The following GSDMA variants were observed in gnomAD, a reference collection of about 807,000 sequenced individuals.
GSDMA encodes gasdermin-A.
In GSDMA, 55 loss-of-function variants were observed where a neutral mutation model predicts 54.3. The ratio of observed to expected loss-of-function variants is 1.01; its 90% confidence interval spans 0.82 to 1.27. The LOEUF is 1.27. GSDMA is among the 50% of genes most tolerant of loss of function. The pLI, the probability that GSDMA is intolerant of heterozygous loss-of-function variation, is 0.00. For missense variants in GSDMA, 542 were observed against 542.6 expected (o/e 1.00, Z 0.01); for synonymous variants, 211 against 224.7 (o/e 0.94, Z 0.54).
intron 3 of GSDMA, among the ~76,000 whole-genome samples, chr17:39,969,081 G>A (rs1979809490): frequency 6.6e-6 from 1 of 152,106 alleles, no homozygotes. Flanking sequence ...AGGAGCCAGG[G>A]GAGGAGTCTC....
chr17:39,965,846 C>T lies in GSDMA; in HGVS notation c.159C>T (p.Tyr53=), dbSNP rs149553751. The change falls in exon 2 of 12, where the codon TAC becomes TAT. Residue 53 remains tyrosine, a synonymous_variant. Transcript: ENST00000301659. ...GCACGCTCTTCTGGGGGGCCCGGTA[C>T]GTCCGCACCGACTACACGCTGCTGG... ...RKSTLFWGAR[Y]VRTDYTLLDV... The T allele has an allele frequency of 0.017, 26,561 of 1,570,276 alleles. 411 individuals carry two copies. Among genetic ancestry groups the T allele is most frequent in the South Asian group, 0.065 (5,570 of 85,426 alleles).
intron 1 of GSDMA, among the ~76,000 whole-genome samples, chr17:39,964,658 A>T (rs1979555010): frequency 6.6e-6 from 1 of 152,022 alleles, no homozygotes; most frequent in Non-Finnish European, 1.5e-5. Context: ...CGCATGAGGG[A>T]AGGACAGGGT....
chr17:39,970,388 TGTCTA>T, intron 3 of GSDMA, 89 bp from the exon 4 acceptor site: 1 of 1,202,732 alleles, frequency 8.3e-7, no homozygotes, highest in Non-Finnish European at 1.1e-6. Context: ...GCCACCACAA[TGTCTA>T]GTTCCTGGGA....
At position 39,975,920 on chromosome 17, in the gene GSDMA, C is replaced by G; in HGVS notation, c.1022-4C>G. 1 of 1,591,486 alleles carries G rather than the reference C, an allele frequency of 6.3e-7. No homozygotes were observed. The highest frequency in any genetic ancestry group is 8.6e-7 in the Non-Finnish European group (1 of 1,168,474). ...ACACATCTTTCTCTGCTTTTTTTCT[C>G]CAGAGCTAAGTGAAGCCCAACAGAA... is the stretch of plus-strand genomic sequence containing the variant. On this transcript the variant is annotated splice_polypyrimidine_tract_variant and splice_region_variant and intron_variant, in intron 10 of 11. Transcript: ENST00000301659.
At chr17:39,968,572 T>C (rs957117363) in intron 3 of GSDMA, among the ~76,000 whole-genome samples, 1 of 151,776 alleles carries the variant, frequency 6.6e-6, no homozygotes, top group South Asian at 2.1e-4. Flanking sequence ...GGTCTCGAAC[T>C]CCTGACCTCA....
intron 9 of GSDMA, 84 bp from the exon 10 acceptor site, chr17:39,974,816 C>T (rs760271572): frequency 6.7e-6 from 5 of 741,550 alleles, no homozygotes; most frequent in Non-Finnish European, 1.2e-5. Context: ...AGAGTTTCCG[C>T]ATGTCAAGGG....
At chr17:39,973,361 C>T (rs538494931) in intron 7 of GSDMA, among the ~76,000 whole-genome samples, 1 of 151,670 alleles carries the variant, frequency 6.6e-6, no homozygotes, top group Non-Finnish European at 1.5e-5. Context: ...ACTCTGCCTC[C>T]CAGGTTCAAG....
chr17:39,976,906 G>A lies in GSDMA; in HGVS notation c.1186G>A (p.Glu396Lys). ...PELLSSLGDE[E>K]LTLTEALVGL... ...GCTGCTCTCCTCCCTTGGGGACGAG[G>A]AGCTGACCCTCACGGAGGCTCTAGT... is the stretch of plus-strand genomic sequence containing the variant. Residue 396 changes from glutamate to lysine, a missense_variant, in exon 12 of 12, where the codon GAG (glutamate) becomes AAG (lysine). Coordinates refer to ENST00000301659, the MANE Select transcript of GSDMA (RefSeq NM_178171.5). 1 of 1,613,988 alleles carries A rather than the reference G, an allele frequency of 6.2e-7. No individual in the cohort carries two copies. The highest frequency in any genetic ancestry group is 8.5e-7 in the Non-Finnish European group (1 of 1,179,894).
chr17:39,966,093 T>C (rs1568127610), intron 2 of GSDMA, among the ~76,000 whole-genome samples, 167 bp from the exon 3 acceptor site: 1 of 152,166 alleles, frequency 6.6e-6, no homozygotes, highest in Non-Finnish European at 1.5e-5. Context: ...TTTATTTATT[T>C]ACTTGTTTGT....
intron 8 of GSDMA, 84 bp downstream of exon 8, chr17:39,973,914 T>G: frequency 7.9e-7 from 1 of 1,264,012 alleles, no homozygotes; most frequent in Non-Finnish European, 1.1e-6. Flanking sequence ...AAGTCATTCT[T>G]TGTCAGCTAA....
chr17:39,970,124 G>T (rs1281840818), intron 3 of GSDMA, among the ~76,000 whole-genome samples: 1 of 152,006 alleles, frequency 6.6e-6, no homozygotes, highest in Non-Finnish European at 1.5e-5. Context: ...CCAGAGAGAT[G>T]AATGGGGAGG....
chr17:39,965,774 C>T lies in GSDMA; in HGVS notation c.87C>T (p.Asp29=). The T allele has an allele frequency of 6.2e-7, 1 of 1,610,466 alleles. No individual in the cohort carries two copies. The highest frequency in any genetic ancestry group is 8.5e-7 in the Non-Finnish European group (1 of 1,178,376). The part of the protein sequence containing the change: ...GDLTPLDSLI[D]FKRFHPFCLV... ...TGACACCACTTGACAGCCTCATCGA[C>T]TTCAAGCGCTTCCATCCCTTCTGCC... Residue 29 remains aspartate, a synonymous_variant, in exon 2 of 12, where the codon GAC becomes GAT. Transcript: ENST00000301659.
At chr17:39,965,622 C>T in intron 1 of GSDMA, 61 bp from the exon 2 acceptor site, 1 of 1,312,330 alleles carries the variant, frequency 7.6e-7, no homozygotes, top group Non-Finnish European at 1.1e-6. Context: ...AGCCTATATC[C>T]CGGGCTCCTT....
Position 39,971,720 on chromosome 17 carries a change from A to AG in GSDMA, c.655+106dup, listed in dbSNP as rs985982087. The AG allele has an allele frequency of 1.3e-5, 11 of 832,906 alleles. No individual in the cohort carries two copies. The African/African-American group carries it at 1.5e-4, about 11-fold the overall frequency. 51.6% of individuals were successfully genotyped at this position (832,906 alleles called of 1,614,324 possible). A position where few individuals can be genotyped will look rare whatever the true frequency, so the allele number is the denominator to read the frequency against. ...CTTGCGGAAATGTCAGAGAATGAGT[A>AG]GGGGGGTGTATTGTACTGTGATCCG... On this transcript the variant is annotated intron_variant, in intron 5 of 11. Transcript: ENST00000301659.
chr17:39,971,561 A>G lies in GSDMA; in HGVS notation c.596A>G (p.Lys199Arg), dbSNP rs894836614. Reference sequence around the variant, plus strand: ...CACAAGGAGGCTGTAACCATCCCCAAGGGCTGCGTCCTGGCCTTTCGAGTG... The same window carrying G: ...CACAAGGAGGCTGTAACCATCCCCAGGGGCTGCGTCCTGGCCTTTCGAGTG... ...INHKEAVTIP[K>R]GCVLAFRVRQ... The change falls in exon 5 of 12, where the codon AAG becomes AGG. Residue 199 changes from lysine (K) to arginine (R), a missense_variant. Coordinates refer to ENST00000301659, the MANE Select transcript of GSDMA (RefSeq NM_178171.5). 6.2e-7 allele frequency: 1 copy of G among 1,613,926 alleles called. No homozygotes were observed. Among genetic ancestry groups the G allele is most frequent in the African/African-American group, 1.3e-5 (1 of 75,044 alleles).
At chr17:39,976,148 A>C (rs534722976) in intron 11 of GSDMA, among the ~76,000 whole-genome samples, 151 bp downstream of exon 11, 2 of 152,026 alleles carry the variant, frequency 1.3e-5, no homozygotes, top group South Asian at 4.1e-4. Flanking sequence ...TCTATTTCTC[A>C]TTTTTTGTTA....
chr17:39,972,547 G>C (rs1317147607), intron 6 of GSDMA, 40 bp from the exon 7 acceptor site: 2 of 1,605,912 alleles, frequency 1.2e-6, no homozygotes, highest in Non-Finnish European at 1.7e-6. Context: ...AGGCAAAAAT[G>C]GGTTTTGTGC....
At chr17:39,966,994 G>A (rs1005945946) in intron 3 of GSDMA, among the ~76,000 whole-genome samples, 16 of 152,058 alleles carry the variant, frequency 1.1e-4, no homozygotes, top group Non-Finnish European at 1.9e-4. Flanking sequence ...GGGCACCACC[G>A]GATGTTTGGC....
Position 39,970,574 on chromosome 17 carries a change from A to T in GSDMA, c.485A>T (p.Glu162Val). 1 of 1,609,162 alleles carries T rather than the reference A, an allele frequency of 6.2e-7. No individual in the cohort carries two copies. Among genetic ancestry groups the T allele is most frequent in the Non-Finnish European group, 8.5e-7 (1 of 1,177,550 alleles). The change falls in exon 4 of 12, where the codon GAG (glutamate) becomes GTG (valine). Residue 162 changes from glutamate to valine, a missense_variant. By Grantham distance (121) the Glu-to-Val change is moderately radical. Transcript: ENST00000301659. ...ATGGAGGTGGTGGAGACGGTGCAGG[A>T]GGTCACACTGGAGCGAGCCGGCAAG... ...VVMEVVETVQ[E>V]VTLERAGKAE... is the part of the protein sequence containing the mutation.
Sources: allele counts gnomAD v4.1 joint callset (sites outside exome capture counted in the v4.1 genomes callset), GRCh38; gene constraint gnomAD v4.1.1; transcripts MANE v1.5; gene names NCBI Gene and HGNC (gene_info 2026-07-23, HGNC 2026-07-21).